NABP2: variants seen among roughly 807,000 people sequenced by gnomAD.
NABP2 encodes the protein SOSS complex subunit B1.
In NABP2, 7 loss-of-function variants were observed where a neutral mutation model predicts 22.7. The observed-to-expected ratio is 0.31, with a 90% CI of 0.18 to 0.58. The LOEUF is 0.58. Among genes scored for constraint, NABP2 ranks in the 20% least tolerant of loss-of-function variants. The probability of loss-of-function intolerance (pLI) is 0.89; values close to 1 mark genes in which losing one functional copy is unlikely to be tolerated. For synonymous variants in NABP2, 107 were observed against 99.2 expected (o/e 1.08, Z -0.47); for missense variants, 188 against 265.9 (o/e 0.71, Z 2.04).
intron 6 of NABP2, among the ~76,000 whole-genome samples, chr12:56,227,157 C>T (rs1445604788): frequency 6.6e-6 from 1 of 151,738 alleles, no homozygotes; most frequent in Admixed American, 6.6e-5. Context: ...GGCAGATCAC[C>T]TGAGGTCAGG....
Position 56,226,336 on chromosome 12 carries a change from T to A in NABP2, c.373-20T>A. On this transcript the variant is annotated intron_variant, in intron 5 of 6. Transcript: ENST00000267023. ...AGCATGGGAGGGAGCAGGATCTGAA[T>A]ATGTAATCTGTGCCTTCAGGTGCAG... 1 of 1,614,046 alleles carries A rather than the reference T, an allele frequency of 6.2e-7. No individual in the cohort carries two copies. Among genetic ancestry groups the A allele is most frequent in the African/African-American group, 1.3e-5 (1 of 75,012 alleles).
rs770443007 is a variant in NABP2 at position 56,225,351 on chromosome 12, T to G, written c.80-22T>G. On this transcript the variant is annotated intron_variant, in intron 2 of 6. Coordinates refer to ENST00000267023, the MANE Select transcript of NABP2 (RefSeq NM_024068.4). ...CCATTTATTTGACCATCCTCCCACC[T>G]CGATTTATCTGTTCCGTTCAGGCCG... is the stretch of plus-strand genomic sequence containing the variant. The G allele has an allele frequency of 3.1e-6, 5 of 1,613,936 alleles. No individual in the cohort carries two copies. The South Asian group carries it at 5.5e-5, about 18-fold the overall frequency.
rs1869994844 is a variant in NABP2, at chr12:56,229,329, G to A, written c.*116G>A. 5.3e-6 allele frequency: 6 copies of A among 1,138,746 alleles called. No individual in the cohort carries two copies. The highest frequency in any genetic ancestry group is 7.6e-6 in the Non-Finnish European group (6 of 784,902). The allele number at this position is 1,138,746 out of a possible 1,614,324, so 70.5% of individuals were successfully genotyped here. Reference sequence around the variant, plus strand: ...TTTTAGCCACTGAACTTCAGTGGAGGGTGGTGAGCAGTGTCCTTATCCACC... The same window carrying A: ...TTTTAGCCACTGAACTTCAGTGGAGAGTGGTGAGCAGTGTCCTTATCCACC... On this transcript the variant is annotated 3_prime_UTR_variant, in exon 7 of 7. Transcript: ENST00000267023.
At chr12:56,225,588 C>T (rs1357088928) in intron 3 of NABP2, 36 bp from the exon 4 acceptor site, 5 of 1,614,156 alleles carry the variant, frequency 3.1e-6, no homozygotes, top group Non-Finnish European at 4.2e-6. Flanking sequence ...TATAACACTT[C>T]TGAGTACTGA....
At chr12:56,228,212 A>G (rs1565594120) in intron 6 of NABP2, among the ~76,000 whole-genome samples, 2 of 152,070 alleles carry the variant, frequency 1.3e-5, no homozygotes, top group Admixed American at 6.6e-5. Context: ...AATAAATAAA[A>G]AATAATAATA....
intron 6 of NABP2, 79 bp from the exon 7 acceptor site, chr12:56,228,935 G>C: frequency 3.0e-6 from 4 of 1,325,120 alleles, no homozygotes; most frequent in Non-Finnish European, 4.2e-6. Context: ...GCCACTCTTT[G>C]GGGCATGGAG....
Position 56,229,087 on chromosome 12 carries a change from T to TTGCCCCCC in NABP2, c.510_511insTGCCCCCC (p.Pro171CysfsTer65). The TTGCCCCCC allele has an allele frequency of 1.8e-4, 266 of 1,511,754 alleles. No individual in the cohort carries two copies. Among genetic ancestry groups the TTGCCCCCC allele is most frequent in the Non-Finnish European group, 2.1e-4 (236 of 1,101,486 alleles). 93.6% of individuals were successfully genotyped at this position (1,511,754 alleles called of 1,614,324 possible). ...GTGGTGGCCCACATCCCCCTCATAC[T>TTGCCCCCC]CCCTCCCACCCACCCAGCACCCGAA... On this transcript the variant is annotated frameshift_variant, in exon 7 of 7. Transcript: ENST00000267023. LOFTEE classifies it high-confidence loss of function.
chr12:56,222,304 G>A (rs1245684662), upstream of NABP2: 1 of 152,226 alleles, frequency 6.6e-6, no homozygotes, highest in Non-Finnish European at 1.5e-5. Flanking sequence ...CTTTTCCAGA[G>A]CCCTGGTCAG....
chr12:56,228,749 G>C (rs964487161), intron 6 of NABP2, among the ~76,000 whole-genome samples: 1 of 152,104 alleles, frequency 6.6e-6, no homozygotes, highest in Non-Finnish European at 1.5e-5. Context: ...TTCTAGGTCT[G>C]ATTCCCAATA....
chr12:56,224,245 G>C, upstream of NABP2: 1 of 817,022 alleles, frequency 1.2e-6, no homozygotes, highest in Non-Finnish European at 1.5e-6. Context: ...CTCTGATCCC[G>C]ATTGGCTGGG....
chr12:56,223,872 C>T (rs949183797), upstream of NABP2, among the ~76,000 whole-genome samples: 1 of 152,166 alleles, frequency 6.6e-6, no homozygotes, highest in African/African-American at 2.4e-5. Context: ...CCAGGCAGGT[C>T]TGGAACTCCT....
chr12:56,227,574 G>A (rs1018018425), intron 6 of NABP2, among the ~76,000 whole-genome samples: 2 of 152,216 alleles, frequency 1.3e-5, no homozygotes, highest in Non-Finnish European at 2.9e-5. Flanking sequence ...ATTATAATAC[G>A]CCATGGTTAA....
intron 6 of NABP2, 32 bp downstream of exon 6, chr12:56,226,451 C>G (rs1869769299): frequency 1.3e-6 from 2 of 1,579,350 alleles, no homozygotes; most frequent in Non-Finnish European, 1.7e-6. Flanking sequence ...CACTGGTCCT[C>G]CTAGCTCTCC....
At chr12:56,226,125 C>A (rs1869748604) in intron 4 of NABP2, 54 bp from the exon 5 acceptor site, 1 of 1,544,648 alleles carries the variant, frequency 6.5e-7, no homozygotes, top group Non-Finnish European at 9.0e-7. Flanking sequence ...CTGAGGCCTC[C>A]AGCAGTGGCC....
At chr12:56,225,290 C>T in intron 2 of NABP2, 83 bp from the exon 3 acceptor site, 6 of 1,567,056 alleles carry the variant, frequency 3.8e-6, no homozygotes, top group Non-Finnish European at 5.3e-6. Context: ...CTCATTCCAC[C>T]AATATCCACA....
Position 56,224,418 on chromosome 12 carries a change from G to A in NABP2, c.-47G>A. ...CCCCCTGCGGGCTGCTCAGCGGCGT[G>A]CACAGTCCTGCCGGCTGGCTTGGGT... On this transcript the variant is annotated 5_prime_UTR_variant, in exon 1 of 7. Transcript: ENST00000267023. 9.9e-7 allele frequency: 1 copy of A among 1,010,454 alleles called. No individual in the cohort carries two copies. The highest frequency in any genetic ancestry group is 1.2e-6 in the Non-Finnish European group (1 of 841,590). 62.6% of individuals were successfully genotyped at this position (1,010,454 alleles called of 1,614,324 possible).
In NABP2 at chr12:56,229,447, G is replaced by C; in HGVS notation, c.*234G>C. On this transcript the variant is annotated 3_prime_UTR_variant, in exon 7 of 7. Transcript: ENST00000267023. ...CTCTCTTTCCTCTTTAGAAATGGCA[G>C]TTACTGGCTGGGCGCAGTGGCTCAC... 1 of 547,874 alleles carries C rather than the reference G, an allele frequency of 1.8e-6. No homozygotes were observed. The allele number at this position is 547,874 out of a possible 1,614,324, so 33.9% of individuals were successfully genotyped here.
chr12:56,223,578 T>A (rs1869611318), upstream of NABP2: 1 of 151,392 alleles, frequency 6.6e-6, no homozygotes, highest in African/African-American at 2.4e-5. Flanking sequence ...TCTCTCTTTG[T>A]CGCAGGTTCC....
At position 56,229,192 on chromosome 12, in the gene NABP2, C is replaced by A; in HGVS notation, c.615C>A (p.Thr205=). ...ACCCTGTTAGTAACGGCAAAGAAAC[C>A]CGGAGGAGCAGCAAGAGATAGCATG... is the stretch of plus-strand genomic sequence containing the variant. The part of the protein sequence containing the change: ...SSNPVSNGKE[T]RRSSKR Residue 205 remains threonine (T), a synonymous_variant, in exon 7 of 7, where the codon ACC becomes ACA. Transcript: ENST00000267023. 6.3e-7 allele frequency: 1 copy of A among 1,584,336 alleles called. No homozygotes were observed. The highest frequency in any genetic ancestry group is 8.6e-7 in the Non-Finnish European group (1 of 1,161,956).
Sources: allele counts gnomAD v4.1 joint callset (sites outside exome capture counted in the v4.1 genomes callset), GRCh38; gene constraint gnomAD v4.1.1; transcripts MANE v1.5; gene names NCBI Gene and HGNC (gene_info 2026-07-23, HGNC 2026-07-21).